Variants in ZNF624 observed in about 807,000 individuals in gnomAD.
ZNF624 encodes zinc finger protein 624.
In ZNF624, 43 loss-of-function variants were observed where a neutral mutation model predicts 74.7. That is an observed-to-expected ratio of 0.58 (90% CI 0.45 to 0.74). ZNF624 has a LOEUF of 0.74. ZNF624 is among the 30% of genes least tolerant of loss of function. The pLI is 0.00. For synonymous variants in ZNF624, 331 were observed against 341.3 expected (o/e 0.97, Z 0.33); for missense variants, 820 against 1,030.0 (o/e 0.80, Z 2.79).
rs1908932586 is a variant in ZNF624, at chr17:16,622,230, T to C, written c.*58A>G. ...TGAAGATTTTCCTATATTCATAAAA[T>C]ATAGTTTATAAGATTCATCTTGTGG... On this transcript the variant is annotated 3_prime_UTR_variant, in exon 6 of 6. Transcript: ENST00000311331. 2.3e-6 allele frequency: 3 copies of C among 1,329,430 alleles called. No homozygotes were observed. Among genetic ancestry groups the C allele is most frequent in the Admixed American group, 2.6e-5 (1 of 38,904 alleles). The allele number at this position is 1,329,430 out of a possible 1,614,324, so 82.4% of individuals were successfully genotyped here.
In ZNF624 at chr17:16,623,210, G is replaced by C. The variant is rs1357507463; in HGVS notation, c.1676C>G (p.Thr559Ser). 1 of 1,613,538 alleles carries C rather than the reference G, an allele frequency of 6.2e-7. No individual in the cohort carries two copies. The highest frequency in any genetic ancestry group is 1.3e-5 in the African/African-American group (1 of 74,856). ...MHTGEKPYKCTECGKAFMRSS... is the reference protein window; with the variant it reads ...MHTGEKPYKCSECGKAFMRSS... Reference sequence around the variant, plus strand: ...ACGCATGAAGGCCTTTCCACATTCAGTACATTTATAAGGTTTCTCTCCTGT... The same window carrying C: ...ACGCATGAAGGCCTTTCCACATTCACTACATTTATAAGGTTTCTCTCCTGT... Residue 559 changes from threonine to serine, a missense_variant, in exon 6 of 6, where the codon ACT becomes AGT. Thr to Ser is a moderately conservative substitution (Grantham distance 58, BLOSUM62 1). Transcript: ENST00000311331. The surrounding 1 kb of genome is among the most constrained non-coding windows in gnomAD (Gnocchi z 5.3).
chr17:16,617,627 G>GCGGCTT, downstream of ZNF624: 1 of 1,607,014 alleles, frequency 6.2e-7, no homozygotes, highest in Non-Finnish European at 8.5e-7. Flanking sequence ...CTCCACCACG[G>GCGGCTT]CGGCTTCCGT....
At chr17:16,633,518 GTC>G in intron 5 of ZNF624, among the ~76,000 whole-genome samples, 1 of 152,168 alleles carries the variant, frequency 6.6e-6, no homozygotes, top group South Asian at 2.1e-4. Flanking sequence ...GGGAAGAAAT[GTC>G]AGATAATGAA....
intron 3 of ZNF624, among the ~76,000 whole-genome samples, chr17:16,643,924 A>T (rs1221326413): frequency 2.6e-5 from 4 of 152,182 alleles, no homozygotes; most frequent in African/African-American, 9.6e-5. Flanking sequence ...GATGGGGCCT[A>T]ATGGGAGGTG....
At chr17:16,649,618 A>G in intron 2 of ZNF624, 40 bp downstream of exon 2, 1 of 1,586,978 alleles carries the variant, frequency 6.3e-7, no homozygotes, top group Non-Finnish European at 8.7e-7. Context: ...CATGCTCTCA[A>G]ACCAAGATAG....
At chr17:16,649,571 G>T in intron 2 of ZNF624, 87 bp downstream of exon 2, 1 of 1,201,582 alleles carries the variant, frequency 8.3e-7, no homozygotes, top group Non-Finnish European at 1.2e-6. Flanking sequence ...GGGTGTCGGG[G>T]GAAGTAGAGA....
chr17:16,622,305 CTCTTTGATGTAT>C lies in ZNF624; in HGVS notation c.2569_2580del (p.Ile857_Arg860del). On this transcript the variant is annotated inframe_deletion, in exon 6 of 6. Coordinates refer to ENST00000311331, the MANE Select transcript of ZNF624 (RefSeq NM_020787.4). ...ATTGTTCTTTATATTAACTGAGTTT[CTCTTTGATGTAT>C]TCTTTGATGTACAGTAAGGCTCGAA... is the stretch of plus-strand genomic sequence containing the variant. 1 of 1,566,144 alleles carries C rather than the reference CTCTTTGATGTAT, an allele frequency of 6.4e-7. No individual in the cohort carries two copies. The highest frequency in any genetic ancestry group is 8.6e-7 in the Non-Finnish European group (1 of 1,160,808).
chr17:16,634,505 T>C (rs1909279795), intron 4 of ZNF624, 125 bp downstream of exon 4: 3 of 985,756 alleles, frequency 3.0e-6, no homozygotes, highest in South Asian at 1.8e-5. Context: ...GAGTGAGGAA[T>C]AGCATAACCC....
intron 1 of ZNF624, among the ~76,000 whole-genome samples, chr17:16,651,426 T>A (rs1391360939): frequency 1.5e-5 from 2 of 131,020 alleles, no homozygotes; most frequent in Non-Finnish European, 3.1e-5. Flanking sequence ...CGAGACTCCA[T>A]CTCAAAAAAA....
chr17:16,626,530 A>T (rs1334611798), intron 5 of ZNF624, among the ~76,000 whole-genome samples: 3 of 152,004 alleles, frequency 2.0e-5, no homozygotes, highest in Non-Finnish European at 4.4e-5. Flanking sequence ...AGACAGGAAG[A>T]CTGCTTGAGC....
At chr17:16,648,999 T>C (rs1909657376) in intron 2 of ZNF624, among the ~76,000 whole-genome samples, 2 of 152,238 alleles carry the variant, frequency 1.3e-5, no homozygotes, top group Admixed American at 6.5e-5. Flanking sequence ...CCTTATGAAC[T>C]TTCTATGACC....
intron 3 of ZNF624, among the ~76,000 whole-genome samples, chr17:16,639,123 C>A (rs1394340102): frequency 6.6e-6 from 1 of 152,120 alleles, no homozygotes; most frequent in Non-Finnish European, 1.5e-5. Context: ...CAGCTTGTAA[C>A]CTTGTAATCA....
Position 16,622,474 on chromosome 17 carries a change from C to T in ZNF624, c.2412G>A (p.Gly804=). 1.9e-6 allele frequency: 3 copies of T among 1,613,650 alleles called. No homozygotes were observed. Among genetic ancestry groups the T allele is most frequent in the Non-Finnish European group, 2.5e-6 (3 of 1,179,806 alleles). The part of the protein sequence containing the change: ...QLTLHQRIHT[G]ERPYKCEECG... The stretch of plus-strand genomic sequence containing the variant: ...ATTCTTCACATTTATAGGGCCTCTC[C>T]CCAGTATGAATTCTCTGATGTAGGG... Residue 804 remains glycine, a synonymous_variant, in exon 6 of 6, where the codon GGG becomes GGA. Coordinates refer to ENST00000311331, the MANE Select transcript of ZNF624 (RefSeq NM_020787.4).
chr17:16,624,531 T>C, intron 5 of ZNF624, 22 bp from the exon 6 acceptor site: 1 of 1,536,310 alleles, frequency 6.5e-7, no homozygotes, highest in Non-Finnish European at 8.7e-7. Context: ...AAGAGAAAAA[T>C]CAAGTAATTC....
intron 3 of ZNF624, among the ~76,000 whole-genome samples, chr17:16,638,350 C>T (rs1191109839): frequency 6.6e-6 from 1 of 152,144 alleles, no homozygotes; most frequent in Non-Finnish European, 1.5e-5. Context: ...TTGACCCAGC[C>T]ATCCCATGAC....
intron 3 of ZNF624, among the ~76,000 whole-genome samples, chr17:16,639,010 T>C (rs989759888): frequency 5.9e-5 from 9 of 152,194 alleles, no homozygotes; most frequent in African/African-American, 2.2e-4. Context: ...AGGTGCTATT[T>C]ACAAATAAGG....
intron 3 of ZNF624, 112 bp downstream of exon 3, chr17:16,647,217 C>T: frequency 1.0e-6 from 1 of 978,242 alleles, no homozygotes; most frequent in East Asian, 2.4e-5. Flanking sequence ...GGGGCTACCA[C>T]ACCAATCAAA....
chr17:16,621,557 CTT>C lies in ZNF624; in HGVS notation c.*729_*730del, dbSNP rs1342948456. The C allele has an allele frequency of 6.6e-6, 1 of 152,196 alleles. No homozygotes were observed. The highest frequency in any genetic ancestry group is 1.5e-5 in the Non-Finnish European group (1 of 68,020). The allele number at this position is 152,196 out of a possible 1,614,324, so 9.4% of individuals were successfully genotyped here. On this transcript the variant is annotated 3_prime_UTR_variant, in exon 6 of 6. Coordinates refer to ENST00000311331, the MANE Select transcript of ZNF624 (RefSeq NM_020787.4). The stretch of plus-strand genomic sequence containing the variant: ...AACCCCAATAGCTAGCAAAAGATCT[CTT>C]AATTTTTGCCAGATCCATGAAGGGG...
At chr17:16,652,261 C>G (rs2142673076) in intron 1 of ZNF624, among the ~76,000 whole-genome samples, 1 of 152,166 alleles carries the variant, frequency 6.6e-6, no homozygotes. Context: ...CTCTCCCTCC[C>G]AAGCCCATAC....
Sources: gnomAD v4.1 joint callset for allele counts (sites outside exome capture counted in the v4.1 genomes callset) on GRCh38, gnomAD v4.1.1 for gene constraint, Gnocchi (gnomAD v3.1) non-coding constraint, MANE v1.5 for transcripts, NCBI Gene and HGNC (gene_info 2026-07-23, HGNC 2026-07-21) for gene names.